Variants in TTN observed in about 807,000 individuals in gnomAD.
TTN encodes the protein titin, also known as connectin.
A neutral mutation model predicts 3,223.0 loss-of-function variants in TTN; 1,525 were observed. The ratio of observed to expected loss-of-function variants is 0.47; its 90% CI spans 0.45 to 0.49. The LOEUF is 0.49. TTN is among the 20% of genes least tolerant of loss of function. The pLI is 0.00. For missense variants in TTN, 40,786 were observed against 43,424.0 expected (o/e 0.94, Z 5.40); for synonymous variants, 14,094 against 15,161.0 (o/e 0.93, Z 5.17).
intron 284 of TTN, 30 bp from the exon 285 acceptor site, chr2:178,601,944 T>A: frequency 1.2e-6 from 2 of 1,612,694 alleles, no homozygotes; most frequent in Non-Finnish European, 1.7e-6. Context: ...TCAGTTGTAG[T>A]ATAAATACTC....
rs142493397 is a variant in TTN at position 178,600,833 on chromosome 2, T to C, written c.56050+21A>G. The C allele has an allele frequency of 1.2e-4, 197 of 1,612,620 alleles. No individual in the cohort carries two copies. The African/African-American group carries it at 2.3e-3, about 19-fold the overall frequency. ...AGGCAGCTGTAAGGAGGACATTCTT[T>C]GTCAGTACATTGGTACTTACATGTC... On this transcript the variant is annotated intron_variant, in intron 288 of 362. Coordinates refer to ENST00000589042, the MANE Select transcript of TTN (RefSeq NM_001267550.2).
intron 349 of TTN, chr2:178,541,966 CTCTTCCTCCTTCCCTTCTCTCTTT>C: frequency 3.4e-6 from 1 of 293,944 alleles, no homozygotes; most frequent in East Asian, 5.9e-5. Context: ...TTCCTTTCCT[CTCTTCCTCCTTCCCTTCTCTCTTT>C]TCTTCCTTCC....
chr2:178,678,279 A>G, intron 144 of TTN, 71 bp from the exon 145 acceptor site: 2 of 1,536,140 alleles, frequency 1.3e-6, no homozygotes, highest in South Asian at 1.2e-5. Flanking sequence ...TATGAAAAAG[A>G]ATCACAAAAT....
rs746956843 is a variant in TTN, at chr2:178,693,928, C to T, written c.31507G>A (p.Val10503Ile). ...FASHTEEEVS[V>I]TVPEVQKEIV... ...ATTCCAGTTTGCCTTATACCTGTGA[C>T]TGACACCTCCTCCTCTGTGTGAGAA... The change falls in exon 118 of 363, where the codon GTC becomes ATC. Residue 10503 changes from valine to isoleucine, a missense_variant. Coordinates refer to ENST00000589042, the MANE Select transcript of TTN (RefSeq NM_001267550.2). The T allele has an allele frequency of 1.2e-6, 2 of 1,612,898 alleles. No individual in the cohort carries two copies. Among genetic ancestry groups the T allele is most frequent in the South Asian group, 1.1e-5 (1 of 90,910 alleles).
Position 178,599,199 on chromosome 2 carries a change from T to A in TTN, c.56594A>T (p.Tyr18865Phe). ...YVFRIMAQNK[Y>F]GIGEPLDSEP... ...ACTGTCAAGAGGTTCTCCAATGCCA[T>A]ATTTATTCTGGGCCATGATTCGGAA... Residue 18865 changes from tyrosine (Y) to phenylalanine (F), a missense_variant, in exon 290 of 363, where the codon TAT becomes TTT. Transcript: ENST00000589042. 1 of 1,516,444 alleles carries A rather than the reference T, an allele frequency of 6.6e-7. No homozygotes were observed. The allele number at this position is 1,516,444 out of a possible 1,614,324, so 93.9% of individuals were successfully genotyped here.
At position 178,542,760 on chromosome 2, in the gene TTN, G is replaced by A; in HGVS notation, c.97094C>T (p.Thr32365Ile). The A allele has an allele frequency of 6.2e-7, 1 of 1,613,742 alleles. No individual in the cohort carries two copies. Among genetic ancestry groups the A allele is most frequent in the Non-Finnish European group, 8.5e-7 (1 of 1,179,762 alleles). ...VETHTKVAKLTIRETTIRDTG... is the reference protein window; with the variant it reads ...VETHTKVAKLIIRETTIRDTG... ...ATCTCTGATAGTGGTTTCACGGATG[G>A]TTAATTTAGCTACTTTAGTGTGAGT... Residue 32365 changes from threonine (T) to isoleucine (I), a missense_variant, in exon 348 of 363, where the codon ACC becomes ATC. By Grantham distance (89) the Thr-to-Ile change is moderately conservative. Coordinates refer to ENST00000589042, the MANE Select transcript of TTN (RefSeq NM_001267550.2).
At chr2:178,538,353 T>TA (rs1402053156) in intron 354 of TTN, 187 bp downstream of exon 354, 2 of 562,024 alleles carry the variant, frequency 3.6e-6, no homozygotes, top group Non-Finnish European at 6.0e-6. Context: ...ATCTAACATC[T>TA]GCTGAGGTTG....
At chr2:178,779,876 G>T in intron 22 of TTN, 124 bp downstream of exon 22, 1 of 911,904 alleles carries the variant, frequency 1.1e-6, no homozygotes. Flanking sequence ...CTTAGCAACA[G>T]TGAACTTGGA....
chr2:178,680,407 A>C, intron 138 of TTN, 76 bp from the exon 139 acceptor site: 1 of 1,187,424 alleles, frequency 8.4e-7, no homozygotes. Flanking sequence ...GCTGTACTTT[A>C]AGCAGATAGA....
intron 282 of TTN, 120 bp from the exon 283 acceptor site, chr2:178,602,710 TA>T: frequency 2.6e-6 from 2 of 769,238 alleles, no homozygotes; most frequent in Non-Finnish European, 3.6e-6. Context: ...ATAGAAATGC[TA>T]AAAGGAAATA....
In TTN at chr2:178,533,107, A is replaced by G. The variant is rs1322462971; in HGVS notation, c.103508T>C (p.Leu34503Pro). The G allele has an allele frequency of 6.2e-7, 1 of 1,613,958 alleles. No individual in the cohort carries two copies. The highest frequency in any genetic ancestry group is 8.5e-7 in the Non-Finnish European group (1 of 1,179,872). Residue 34503 changes from leucine to proline, a missense_variant, in exon 358 of 363, where the codon CTG becomes CCG. By Grantham distance (98) the Leu-to-Pro change is moderately conservative. Coordinates refer to ENST00000589042, the MANE Select transcript of TTN (RefSeq NM_001267550.2). ...VPLTQVAKEALREAAVLYKPA... is the reference protein window; with the variant it reads ...VPLTQVAKEAPREAAVLYKPA... ...TTTATAAAGGACAGCAGCTTCTCTCAGAGCCTCTTTAGCTACCTGTGTCAG... is the reference window on the plus strand; with the variant it reads ...TTTATAAAGGACAGCAGCTTCTCTCGGAGCCTCTTTAGCTACCTGTGTCAG...
rs745655055 is a variant in TTN, at chr2:178,632,213, C to A, written c.43681G>T (p.Asp14561Tyr). 8 of 1,607,888 alleles carry A rather than the reference C, an allele frequency of 5.0e-6. No individual in the cohort carries two copies. The highest frequency in any genetic ancestry group is 6.8e-6 in the Non-Finnish European group (8 of 1,176,960). The stretch of plus-strand genomic sequence containing the variant: ...TCTACTCTAATTTGGGAGGTGTCAT[C>A]AATAGACAGGTCTTTGAATGTGATC... ...HSITFKDLSI[D>Y]DTSQIRVEAM... is the part of the protein sequence containing the mutation. The change falls in exon 236 of 363, where the codon GAT (aspartate) becomes TAT (tyrosine). Residue 14561 changes from aspartate to tyrosine, a missense_variant. Physicochemically the swap from Asp to Tyr is radical, Grantham distance 160. Transcript: ENST00000589042.
Position 178,621,949 on chromosome 2 carries a change from G to A in TTN, c.44973C>T (p.Ser14991=), listed in dbSNP as rs545517096. 1.9e-6 allele frequency: 3 copies of A among 1,611,484 alleles called. No homozygotes were observed. In the African/African-American group the frequency reaches 4.0e-5, roughly 22 times the overall value. ...IKKGKKYDII[S]KGAVRILVIN... ...TGACAAGAATGCGCACTGCTCCCTTGGATATGATGTCATATTTTTTGCCCT... is the reference window on the plus strand; with the variant it reads ...TGACAAGAATGCGCACTGCTCCCTTAGATATGATGTCATATTTTTTGCCCT... The change falls in exon 244 of 363, where the codon TCC becomes TCT. Residue 14991 remains serine, a synonymous_variant. Transcript: ENST00000589042.
rs371424482 is a variant in TTN, at chr2:178,605,251, T to C, written c.53926A>G (p.Ile17976Val). ...ACAGGCTCTCCTGCCTTAACTTTGA[T>C]AGTGTCTCCTCGAACACTCAGACGC... ...KLRLSVRGDTIKVKAGEPVHI... is the reference protein window; with the variant it reads ...KLRLSVRGDTVKVKAGEPVHI... The change falls in exon 280 of 363, where the codon ATC (isoleucine) becomes GTC (valine). Residue 17976 changes from isoleucine to valine, a missense_variant. Transcript: ENST00000589042. The C allele has an allele frequency of 5.0e-6, 8 of 1,606,784 alleles. No individual in the cohort carries two copies. The African/African-American group carries it at 1.1e-4, about 22-fold the overall frequency.
rs375067750 is a variant in TTN, at chr2:178,714,424, A to G, written c.26350T>C (p.Trp8784Arg). ...GEIVRESDNIWISYSENIATL... is the reference protein window; with the variant it reads ...GEIVRESDNIRISYSENIATL... ...GCAATGTTTTCTGAATAAGAAATCC[A>G]TATGTTGTCACTTTCTCTAACGATT... Residue 8784 changes from tryptophan to arginine, a missense_variant, in exon 91 of 363, where the codon TGG (tryptophan) becomes CGG (arginine). Transcript: ENST00000589042. 1.3e-5 allele frequency: 21 copies of G among 1,613,686 alleles called. No individual in the cohort carries two copies. The highest frequency in any genetic ancestry group is 1.8e-5 in the Non-Finnish European group (21 of 1,179,766).
chr2:178,573,323 A>G lies in TTN; in HGVS notation c.72809T>C (p.Ile24270Thr). The part of the protein sequence containing the change: ...ERRDKAGQRW[I>T]KCNKKTLTDL... ...AGTAAGAGTTTTTTTGTTGCATTTA[A>G]TCCAGCGTTGGCCAGCTTTATCACG... The change falls in exon 326 of 363, where the codon ATT becomes ACT. Residue 24270 changes from isoleucine (I) to threonine (T), a missense_variant. Transcript: ENST00000589042. 6.4e-7 allele frequency: 1 copy of G among 1,562,734 alleles called. No homozygotes were observed. The highest frequency in any genetic ancestry group is 1.2e-5 in the South Asian group (1 of 81,156).
Position 178,741,073 on chromosome 2 carries a change from G to A in TTN, c.12160C>T (p.Gln4054Ter). The A allele has an allele frequency of 6.2e-7, 1 of 1,613,898 alleles. No individual in the cohort carries two copies. Among genetic ancestry groups the A allele is most frequent in the Non-Finnish European group, 8.5e-7 (1 of 1,179,838 alleles). The change falls in exon 48 of 363, where the codon CAG becomes TAG. Residue 4054 changes from glutamine (Q) to a stop codon, truncating the protein, a stop_gained. Coordinates refer to ENST00000589042, the MANE Select transcript of TTN (RefSeq NM_001267550.2). LOFTEE classifies it high-confidence loss of function. ...ACTGCGGGACCCTTTAAGGGTGTCT[G>A]TGGAAAATCCTCAGGAGCCTCTGGT... The part of the protein sequence containing the change: ...STPEAPEDFP[Q>*]TPLKGPAVEA...
rs1169584675 is a variant in TTN at position 178,652,881 on chromosome 2, G to A, written c.38926C>T (p.Pro12976Ser). 3 of 1,611,516 alleles carry A rather than the reference G, an allele frequency of 1.9e-6. No individual in the cohort carries two copies. Among genetic ancestry groups the A allele is most frequent in the Admixed American group, 1.7e-5 (1 of 59,576 alleles). Residue 12976 changes from proline (P) to serine (S), a missense_variant, in exon 200 of 363, where the codon CCT becomes TCT. Physicochemically the swap from Pro to Ser is moderately conservative, Grantham distance 74. Transcript: ENST00000589042. ...VVPEKKMPLA[P>S]PKKPEVPPVK... ...GGAGGGACTTCAGGCTTTTTAGGAG[G>A]AGCCAAGGGCATTTTCTTTTCAGGA...
rs894720516 is a variant in TTN at position 178,724,964 on chromosome 2, T to G, written c.20836+404A>C. The G allele has an allele frequency of 1.5e-5, 3 of 194,784 alleles. No individual in the cohort carries two copies. The Admixed American group carries it at 1.8e-4, about 12-fold the overall frequency. The allele number at this position is 194,784 out of a possible 1,614,324, so 12.1% of individuals were successfully genotyped here. A position where few individuals can be genotyped will look rare whatever the true frequency, so the allele number is the denominator to read the frequency against. The stretch of plus-strand genomic sequence containing the variant: ...CCTTAAGGTGCTAAAGACAATTCTT[T>G]GAAAGTTGTTATTCAAACAATTGTT... On this transcript the variant is annotated intron_variant, in intron 71 of 362. Coordinates refer to ENST00000589042, the MANE Select transcript of TTN (RefSeq NM_001267550.2).
Sources: gnomAD v4.1 joint callset for allele counts on GRCh38, gnomAD v4.1.1 for gene constraint, MANE v1.5 for transcripts, NCBI Gene and HGNC (gene_info 2026-07-23, HGNC 2026-07-21) for gene names.